Variants in CCDC149 observed in about 807,000 individuals in gnomAD.
CCDC149 encodes coiled-coil domain-containing protein 149.
CCDC149 carries 45 observed loss-of-function variants against 59.9 expected under a neutral mutation model. The observed-to-expected ratio is 0.75, with a 90% CI of 0.59 to 0.96. The LOEUF (loss-of-function observed/expected upper bound fraction) is 0.96, where lower values mean the gene tolerates loss of function less well. CCDC149 is among the 40% of genes least tolerant of loss of function. The pLI, the probability that CCDC149 is intolerant of heterozygous loss-of-function variation, is 0.00. For synonymous variants in CCDC149, 245 were observed against 260.6 expected (o/e 0.94, Z 0.58); for missense variants, 584 against 664.7 (o/e 0.88, Z 1.33).
chr4:24,943,801 C>T (rs149973220), intron 1 of CCDC149, among the ~76,000 whole-genome samples: 7,154 of 152,268 alleles, frequency 0.047, 243 homozygotes, highest in Non-Finnish European at 0.078. Flanking sequence ...CGCCAAAAAA[C>T]ACATGAAACA....
rs138885281 is a variant in CCDC149, at chr4:24,902,120, G to A, written c.63+10697C>T. Among the ~76,000 whole-genome samples the A allele has an allele frequency of 9.8e-5, 15 of 152,334 alleles. No homozygotes were observed. In the East Asian group the frequency reaches 2.3e-3, roughly 23 times the overall value. ...TCAAGGGTTAGGTTGAAAACTACACGATAAGTGGTAGGACTTAGGTGCAAT... is the reference window on the plus strand; with the variant it reads ...TCAAGGGTTAGGTTGAAAACTACACAATAAGTGGTAGGACTTAGGTGCAAT... On this transcript the variant is annotated intron_variant, in intron 1 of 12. Coordinates refer to ENST00000635206, the MANE Select transcript of CCDC149 (RefSeq NM_001330643.2).
At chr4:24,894,049 G>A (rs1379083316) in intron 1 of CCDC149, among the ~76,000 whole-genome samples, 1 of 152,098 alleles carries the variant, frequency 6.6e-6, no homozygotes, top group African/African-American at 2.4e-5. Flanking sequence ...AGAGAAACCT[G>A]GAGTTCAAAT....
chr4:24,897,667 G>A (rs183077342), intron 1 of CCDC149, among the ~76,000 whole-genome samples: 32 of 152,306 alleles, frequency 2.1e-4, no homozygotes, highest in Middle Eastern at 3.4e-3. Flanking sequence ...AATCAGCAAA[G>A]GAGAGCAGCC....
At chr4:24,908,008 A>C (rs569800700) in intron 1 of CCDC149, among the ~76,000 whole-genome samples, 89 of 152,180 alleles carry the variant, frequency 5.8e-4, no homozygotes, top group Middle Eastern at 6.8e-3. Flanking sequence ...CTGTGCCCAA[A>C]TTTGCCTCTT....
chr4:24,874,587 C>T (rs1719293456), intron 2 of CCDC149, among the ~76,000 whole-genome samples: 1 of 151,872 alleles, frequency 6.6e-6, no homozygotes, highest in Non-Finnish European at 1.5e-5. Context: ...GTCTCACACA[C>T]ACACACAAAA....
chr4:24,930,042 A>G (rs1046162537), intron 1 of CCDC149, among the ~76,000 whole-genome samples: 1 of 152,214 alleles, frequency 6.6e-6, no homozygotes, highest in African/African-American at 2.4e-5. Flanking sequence ...ATGATTCTCC[A>G]AACACTTTTA....
intron 1 of CCDC149, among the ~76,000 whole-genome samples, chr4:24,902,157 A>G (rs1466960630): frequency 2.0e-5 from 3 of 152,234 alleles, no homozygotes; most frequent in African/African-American, 7.2e-5. Context: ...GAAATAATTG[A>G]GAATGTTGAT....
chr4:24,953,445 T>C (rs1243013648), intron 1 of CCDC149, among the ~76,000 whole-genome samples: 1 of 152,176 alleles, frequency 6.6e-6, no homozygotes, highest in East Asian at 1.9e-4. Flanking sequence ...CAAAAACAAC[T>C]GCCTGTACTA....
chr4:24,939,921 G>T (rs1722904101), intron 1 of CCDC149, among the ~76,000 whole-genome samples: 1 of 152,244 alleles, frequency 6.6e-6, no homozygotes, highest in African/African-American at 2.4e-5. Flanking sequence ...ACGTCTCATT[G>T]GCGTACCTGA....
At chr4:24,829,979 A>C (rs1489762363) in intron 9 of CCDC149, 1 of 152,614 alleles carries the variant, frequency 6.6e-6, no homozygotes, top group Non-Finnish European at 1.5e-5. Context: ...AGAAGGGAGG[A>C]GGTTGAAGAG....
upstream of CCDC149, among the ~76,000 whole-genome samples, chr4:24,914,406 A>G (rs1470375622): frequency 6.9e-6 from 1 of 144,618 alleles, no homozygotes; most frequent in Middle Eastern, 3.6e-3. Flanking sequence ...AAAAAAAAAG[A>G]AAAAAAAAGG....
intron 1 of CCDC149, among the ~76,000 whole-genome samples, chr4:24,908,048 A>G (rs1577475966): frequency 1.3e-5 from 2 of 152,168 alleles, no homozygotes; most frequent in Non-Finnish European, 2.9e-5. Flanking sequence ...ATTGGATTAG[A>G]GCCCACCCAA....
intron 1 of CCDC149, among the ~76,000 whole-genome samples, chr4:24,943,557 T>C (rs1193565753): frequency 6.6e-6 from 1 of 152,088 alleles, no homozygotes; most frequent in African/African-American, 2.4e-5. Flanking sequence ...AAAGCCAAAA[T>C]TGACAAATGG....
chr4:24,827,269 GTC>G (rs1715811312), intron 9 of CCDC149: 1 of 152,252 alleles, frequency 6.6e-6, no homozygotes, highest in Non-Finnish European at 1.5e-5. Flanking sequence ...AGGTAACTGT[GTC>G]TCTACATGCC....
chr4:24,925,228 C>T (rs1265790627), intron 1 of CCDC149, among the ~76,000 whole-genome samples: 1 of 152,218 alleles, frequency 6.6e-6, no homozygotes, highest in Admixed American at 6.5e-5. Context: ...TTGGTGGTCA[C>T]TTGTCCATAG....
At chr4:24,979,977 C>T (rs1331099952) in intron 1 of CCDC149, 1 of 152,106 alleles carries the variant, frequency 6.6e-6, no homozygotes, top group African/African-American at 2.4e-5. Context: ...TAAAAATAAT[C>T]AACGAGTTAT....
rs1463276929 is a variant in CCDC149, at chr4:24,912,915, C to G, written c.-36G>C. 2 of 1,248,286 alleles carry G rather than the reference C, an allele frequency of 1.6e-6. No homozygotes were observed. Among genetic ancestry groups the G allele is most frequent in the Non-Finnish European group, 2.1e-6 (2 of 967,936 alleles). The allele number at this position is 1,248,286 out of a possible 1,614,324, so 77.3% of individuals were successfully genotyped here. A position where few individuals can be genotyped will look rare whatever the true frequency, so the allele number is the denominator to read the frequency against. Reference sequence around the variant, plus strand: ...GCCTCCTGGACCCCCGCCGCCTCCTCCTCCTCGCGACGTCGCGTCGCCGCC... The same window carrying G: ...GCCTCCTGGACCCCCGCCGCCTCCTGCTCCTCGCGACGTCGCGTCGCCGCC... On this transcript the variant is annotated 5_prime_UTR_variant, in exon 1 of 13. Transcript: ENST00000635206.
At position 24,816,622 on chromosome 4, in the gene CCDC149, C is replaced by T. The variant is rs1431522881; in HGVS notation, c.1192+3237G>A. On this transcript the variant is annotated intron_variant, in intron 12 of 12. Coordinates refer to ENST00000635206, the MANE Select transcript of CCDC149 (RefSeq NM_001330643.2). ...CTATTTCTATAAAAGATTTCTGAACCAGCCAAGAGTGGGAAAATATTAAAA... is the reference window on the plus strand; with the variant it reads ...CTATTTCTATAAAAGATTTCTGAACTAGCCAAGAGTGGGAAAATATTAAAA... Among the ~76,000 whole-genome samples the T allele has an allele frequency of 2.6e-5, 4 of 151,998 alleles. No homozygotes were observed. The East Asian group carries it at 7.7e-4, about 29-fold the overall frequency.
chr4:24,868,952 T>C (rs142840917), intron 3 of CCDC149, among the ~76,000 whole-genome samples: 5 of 152,300 alleles, frequency 3.3e-5, no homozygotes, highest in African/African-American at 1.2e-4. Context: ...ATAACAAGAA[T>C]AGTATCTACC....
Sources: allele counts gnomAD v4.1 joint callset (sites outside exome capture counted in the v4.1 genomes callset), GRCh38; gene constraint gnomAD v4.1.1; transcripts MANE v1.5; gene names NCBI Gene and HGNC (gene_info 2026-07-23, HGNC 2026-07-21).